The following CNTN5 variants were observed in gnomAD, a reference collection of about 807,000 sequenced individuals.
CNTN5 encodes contactin 5.
Under a neutral mutation model 129.1 loss-of-function variants are expected in CNTN5, and 77 were observed. The ratio of observed to expected loss-of-function variants is 0.60; its 90% CI spans 0.50 to 0.72. The LOEUF (loss-of-function observed/expected upper bound fraction) is 0.72. Among genes scored for constraint, CNTN5 ranks in the 30% least tolerant of loss-of-function variants. CNTN5 has a pLI of 0.00. For synonymous variants in CNTN5, 509 were observed against 465.6 expected (o/e 1.09, Z -1.20); for missense variants, 1,478 against 1,328.8 (o/e 1.11, Z -1.75).
At chr11:99,249,051 T>C (rs1861965058) in intron 1 of CNTN5, among the ~76,000 whole-genome samples, 1 of 152,216 alleles carries the variant, frequency 6.6e-6, no homozygotes, top group African/African-American at 2.4e-5. Flanking sequence ...ATAAATTACC[T>C]TGGGCAGTAT....
At chr11:99,964,559 C>A (rs1272685126) in intron 8 of CNTN5, among the ~76,000 whole-genome samples, 1 of 152,114 alleles carries the variant, frequency 6.6e-6, no homozygotes, top group East Asian at 1.9e-4. Context: ...ATTCAGTTTG[C>A]CAGTATTTTA....
intron 3 of CNTN5, among the ~76,000 whole-genome samples, chr11:99,682,898 T>C (rs1399750735): frequency 6.6e-6 from 1 of 151,990 alleles, no homozygotes; most frequent in East Asian, 1.9e-4. Flanking sequence ...ACATTACTGA[T>C]ATCTGTGCAC....
At chr11:100,300,801 C>T (rs184736555) in intron 20 of CNTN5, among the ~76,000 whole-genome samples, 1 of 151,602 alleles carries the variant, frequency 6.6e-6, no homozygotes, top group East Asian at 1.9e-4. Flanking sequence ...ACCAATTGCA[C>T]TTAGCATCTC....
intron 4 of CNTN5, among the ~76,000 whole-genome samples, chr11:99,838,258 C>T (rs1947367464): frequency 6.6e-6 from 1 of 152,080 alleles, no homozygotes; most frequent in African/African-American, 2.4e-5. Flanking sequence ...GGAAATGATG[C>T]CTGAAATGAA....
At chr11:99,982,794 C>A (rs538145452) in intron 8 of CNTN5, among the ~76,000 whole-genome samples, 1 of 152,238 alleles carries the variant, frequency 6.6e-6, no homozygotes, top group Non-Finnish European at 1.5e-5. Context: ...GTGCCTGCCA[C>A]CACGCCCAGT....
chr11:99,420,128 C>T (rs1477561582), intron 2 of CNTN5, among the ~76,000 whole-genome samples: 1 of 151,998 alleles, frequency 6.6e-6, no homozygotes, highest in Non-Finnish European at 1.5e-5. Context: ...TATAAATTCC[C>T]CGGATACAAG....
Position 99,896,072 on chromosome 11 carries a change from A to C in CNTN5, c.578-19982A>C, listed in dbSNP as rs1206040247. Among the ~76,000 whole-genome samples the C allele has an allele frequency of 2.0e-5, 3 of 152,130 alleles. No homozygotes were observed. The East Asian group carries it at 5.8e-4, about 29-fold the overall frequency. ...GAGTGCATAACTCCCAGAGGTAGCTAACAGGCCCTTCACTATCACTGCTGC... is the reference window on the plus strand; with the variant it reads ...GAGTGCATAACTCCCAGAGGTAGCTCACAGGCCCTTCACTATCACTGCTGC... On this transcript the variant is annotated intron_variant, in intron 6 of 24. Transcript: ENST00000524871.
chr11:99,414,268 G>A (rs7110283), intron 2 of CNTN5, among the ~76,000 whole-genome samples: 9,019 of 152,012 alleles, frequency 0.059, 390 homozygotes, highest in African/African-American at 0.12. Flanking sequence ...GTGTTAACAC[G>A]TTTAATTTAA....
At chr11:99,613,668 A>G (rs893725953) in intron 3 of CNTN5, among the ~76,000 whole-genome samples, 3 of 146,458 alleles carry the variant, frequency 2.0e-5, no homozygotes, top group Non-Finnish European at 4.5e-5. Context: ...ATAAAAAACT[A>G]AAATCCTTAT....
At chr11:99,949,843 G>T (rs1950632858) in intron 7 of CNTN5, among the ~76,000 whole-genome samples, 2 of 152,050 alleles carry the variant, frequency 1.3e-5, no homozygotes, top group African/African-American at 4.8e-5. Flanking sequence ...TTAAGTTGTG[G>T]ATCATGAGAT....
intron 9 of CNTN5, among the ~76,000 whole-genome samples, chr11:100,031,456 C>G (rs1158685456): frequency 6.6e-6 from 1 of 152,030 alleles, no homozygotes; most frequent in Non-Finnish European, 1.5e-5. Flanking sequence ...TTGTGGAGAG[C>G]CTATAAACGG....
rs971872346 is a variant in CNTN5 at position 99,983,567 on chromosome 11, C to G, written c.878-18467C>G. On this transcript the variant is annotated intron_variant, in intron 8 of 24. Coordinates refer to ENST00000524871, the MANE Select transcript of CNTN5 (RefSeq NM_014361.4). ...TTTGCTTGCTTACTTGCTTTCAGCA[C>G]AAAAACTCTAGTAGTAGTAGGAGGA... Among the ~76,000 whole-genome samples, 25 of 152,152 alleles carry G rather than the reference C, an allele frequency of 1.6e-4. 1 individual carries two copies. The highest frequency in any genetic ancestry group is 8.8e-5 in the Non-Finnish European group (6 of 68,030).
Position 99,679,490 on chromosome 11 carries a change from A to C in CNTN5, c.55+123221A>C, listed in dbSNP as rs981593273. 1.7e-3 allele frequency among the ~76,000 whole-genome samples: 265 copies of C among 152,230 alleles called. 5 individuals are homozygous for C. Among genetic ancestry groups the C allele is most frequent in the Admixed American group, 0.017 (264 of 15,264 alleles). On this transcript the variant is annotated intron_variant, in intron 3 of 24. Transcript: ENST00000524871. ...ATGTCTCTTAAGGAGATCTTTGATCAGGGATCTTTGATGTTACTATTGTAA... is the reference window on the plus strand; with the variant it reads ...ATGTCTCTTAAGGAGATCTTTGATCCGGGATCTTTGATGTTACTATTGTAA...
chr11:99,703,186 G>C (rs1273887571), intron 3 of CNTN5, among the ~76,000 whole-genome samples: 16 of 74,164 alleles, frequency 2.2e-4, no homozygotes, highest in Admixed American at 3.0e-4. Flanking sequence ...AATTTCCTGA[G>C]TGTTTTTTAT....
intron 6 of CNTN5, among the ~76,000 whole-genome samples, chr11:99,865,664 T>TA (rs1948335785): frequency 6.6e-6 from 1 of 152,074 alleles, no homozygotes; most frequent in Non-Finnish European, 1.5e-5. Context: ...AGATAAATTA[T>TA]ATTTATCTCA....
intron 2 of CNTN5, among the ~76,000 whole-genome samples, chr11:99,409,708 C>G (rs1200705924): frequency 1.3e-5 from 2 of 152,146 alleles, no homozygotes; most frequent in Non-Finnish European, 2.9e-5. Context: ...AATGATGGAA[C>G]CGAGTGAACT....
intron 1 of CNTN5, among the ~76,000 whole-genome samples, chr11:99,142,991 G>T (rs1027963681): frequency 6.6e-6 from 1 of 152,026 alleles, no homozygotes; most frequent in Non-Finnish European, 1.5e-5. Flanking sequence ...TCCCTTCAGG[G>T]TCTGTGTCCC....
intron 13 of CNTN5, among the ~76,000 whole-genome samples, chr11:100,109,761 T>C (rs1945582486): frequency 1.3e-5 from 2 of 152,192 alleles, no homozygotes; most frequent in East Asian, 3.9e-4. Flanking sequence ...CAATGTAGGA[T>C]GTGACAAAAA....
intron 1 of CNTN5, among the ~76,000 whole-genome samples, chr11:99,295,845 C>CGCA (rs1457851255): frequency 2.8e-5 from 4 of 143,610 alleles, no homozygotes; most frequent in African/African-American, 1.0e-4. Flanking sequence ...CACTGCAGTC[C>CGCA]GCAGTCTGGC....
Sources: gnomAD v4.1 joint callset for allele counts (sites outside exome capture counted in the v4.1 genomes callset) on GRCh38, gnomAD v4.1.1 for gene constraint, MANE v1.5 for transcripts, NCBI Gene and HGNC (gene_info 2026-07-23, HGNC 2026-07-21) for gene names.